RARB: variants seen among roughly 807,000 people sequenced by gnomAD.
RARB encodes the protein retinoic acid receptor beta.
Under a neutral mutation model 51.9 loss-of-function variants are expected in RARB, and 17 were observed. That is an observed-to-expected ratio of 0.33 (90% CI 0.22 to 0.49). The LOEUF is 0.49. Ranked by LOEUF, RARB falls within the 20% of genes least tolerant of loss-of-function variation. The pLI is 0.99. For synonymous variants in RARB, 215 were observed against 195.4 expected (o/e 1.10, Z -0.84); for missense variants, 369 against 550.8 (o/e 0.67, Z 3.30).
chr3:25,455,972 T>A (rs936494373), intron 1 of RARB, among the ~76,000 whole-genome samples: 1 of 152,228 alleles, frequency 6.6e-6, no homozygotes, highest in Non-Finnish European at 1.5e-5. Flanking sequence ...GTGTAGTTGT[T>A]TTATTGAATG....
intron 5 of RARB, among the ~76,000 whole-genome samples, chr3:25,384,512 C>T (rs543461360): frequency 6.6e-6 from 1 of 152,260 alleles, no homozygotes; most frequent in East Asian, 1.9e-4. Flanking sequence ...GCCCTGCATC[C>T]CTGGGGACAG....
intron 5 of RARB, among the ~76,000 whole-genome samples, chr3:25,187,143 T>C (rs888649487): frequency 1.3e-5 from 2 of 152,072 alleles, no homozygotes; most frequent in African/African-American, 2.4e-5. Flanking sequence ...GAGGGTCTTA[T>C]GACCTGCAGG....
At chr3:25,407,793 G>C (rs73820478) in intron 5 of RARB, among the ~76,000 whole-genome samples, 1,606 of 150,172 alleles carry the variant, frequency 0.011, 37 homozygotes, top group African/African-American at 0.037. Flanking sequence ...GAACAACCTT[G>C]ATCCTCATGC....
rs1043437725 is a variant in RARB, at chr3:25,156,482, C to G, written c.-279-17637C>G. ...TGCTATTAATTTCCCTTCATTTTAA[C>G]TGACTCTAATCACACAAATTCTAGC... On this transcript the variant is annotated intron_variant, in intron 4 of 11. Coordinates refer to the RARB transcript ENST00000383772. Among the ~76,000 whole-genome samples, 4 of 112,600 alleles carry G rather than the reference C, an allele frequency of 3.6e-5. No individual in the cohort carries two copies. The Admixed American group carries it at 4.0e-4, about 11-fold the overall frequency. 73.9% of individuals were successfully genotyped at this position (112,600 alleles called of 152,430 possible).
intron 2 of RARB, among the ~76,000 whole-genome samples, chr3:25,025,555 C>G (rs988140370): frequency 2.0e-5 from 3 of 152,166 alleles, no homozygotes; most frequent in Non-Finnish European, 4.4e-5. Context: ...CTATAAGTTA[C>G]AGTAGTTATG....
intron 2 of RARB, among the ~76,000 whole-genome samples, chr3:24,968,619 G>C (rs1275846057): frequency 6.6e-6 from 1 of 152,072 alleles, no homozygotes; most frequent in Non-Finnish European, 1.5e-5. Context: ...CTGGTGGGTG[G>C]CTATGGTATT....
intron 2 of RARB, among the ~76,000 whole-genome samples, chr3:24,888,853 A>G (rs1452380439): frequency 6.6e-6 from 1 of 152,200 alleles, no homozygotes; most frequent in East Asian, 1.9e-4. Flanking sequence ...AGGGCTGTGC[A>G]AAGAGATTTT....
intron 2 of RARB, among the ~76,000 whole-genome samples, chr3:25,491,895 T>C (rs1279339258): frequency 6.6e-6 from 1 of 151,246 alleles, no homozygotes; most frequent in African/African-American, 2.4e-5. Flanking sequence ...GAGCCAAGAA[T>C]GCACCGCTGT....
chr3:25,504,525 C>T (rs1291083456), intron 3 of RARB, among the ~76,000 whole-genome samples: 4 of 152,036 alleles, frequency 2.6e-5, no homozygotes, highest in Non-Finnish European at 5.9e-5. Flanking sequence ...AGGTTGACTT[C>T]ACCCAAACCA....
At chr3:25,424,687 G>T (rs1023357177), upstream of RARB, among the ~76,000 whole-genome samples, 1 of 152,162 alleles carries the variant, frequency 6.6e-6, no homozygotes, top group Non-Finnish European at 1.5e-5. Context: ...GGTGGGGGGG[G>T]ATATGTCTGC....
At chr3:25,368,267 T>G (rs1706189773) in intron 5 of RARB, among the ~76,000 whole-genome samples, 1 of 152,136 alleles carries the variant, frequency 6.6e-6, no homozygotes. Context: ...AATATGAAGG[T>G]CTGGGAATTT....
At chr3:25,091,839 T>G (rs954043269) in intron 3 of RARB, among the ~76,000 whole-genome samples, 12 of 152,152 alleles carry the variant, frequency 7.9e-5, no homozygotes, top group Admixed American at 7.2e-4. Context: ...GCTGTGATCA[T>G]ATTGGTTTGG....
chr3:25,572,959 C>T (rs1700765873), intron 4 of RARB, among the ~76,000 whole-genome samples: 1 of 152,118 alleles, frequency 6.6e-6, no homozygotes. Context: ...GAACATGCGC[C>T]CTGGTGTGAC....
At chr3:25,445,422 A>C (rs1343042872) in intron 1 of RARB, among the ~76,000 whole-genome samples, 5 of 152,134 alleles carry the variant, frequency 3.3e-5, no homozygotes, top group Non-Finnish European at 7.4e-5. Flanking sequence ...CCCAGCACTT[A>C]GGAAGGCCGA....
intron 3 of RARB, among the ~76,000 whole-genome samples, chr3:25,509,900 A>T (rs1227712205): frequency 6.6e-6 from 1 of 151,266 alleles, no homozygotes; most frequent in Admixed American, 6.6e-5. Context: ...CTTATTTGGG[A>T]CTCTGTGGCC....
chr3:24,838,502 C>G, intron 1 of RARB, among the ~76,000 whole-genome samples: 1 of 152,258 alleles, frequency 6.6e-6, no homozygotes, highest in Non-Finnish European at 1.5e-5. Context: ...CTATCAGACA[C>G]TATAGCTTGA....
intron 2 of RARB, among the ~76,000 whole-genome samples, chr3:24,884,513 T>C (rs1166040757): frequency 6.6e-6 from 1 of 152,160 alleles, no homozygotes; most frequent in Non-Finnish European, 1.5e-5. Flanking sequence ...AAGGATTATC[T>C]CTAGAGATAA....
At chr3:25,458,645 A>T (rs1695028468) in intron 1 of RARB, among the ~76,000 whole-genome samples, 2 of 152,174 alleles carry the variant, frequency 1.3e-5, no homozygotes, top group Admixed American at 1.3e-4. Context: ...TATCTGCCAG[A>T]AATAATGTAC....
At chr3:25,070,460 A>C (rs1469408404) in intron 3 of RARB, among the ~76,000 whole-genome samples, 3 of 152,214 alleles carry the variant, frequency 2.0e-5, no homozygotes, top group Non-Finnish European at 4.4e-5. Context: ...TTCAATAAGC[A>C]CTTAACTAGA....
Sources: allele counts gnomAD v4.1 joint callset (sites outside exome capture counted in the v4.1 genomes callset), GRCh38; gene constraint gnomAD v4.1.1; transcripts MANE v1.5; gene names NCBI Gene and HGNC (gene_info 2026-07-23, HGNC 2026-07-21).